SPOCK1: variants seen among roughly 807,000 people sequenced by gnomAD.
SPOCK1 encodes the protein SPARC (osteonectin), cwcv and kazal like domains proteoglycan 1.
A neutral mutation model predicts 55.3 loss-of-function variants in SPOCK1; 23 were observed. The observed-to-expected ratio is 0.42, with a 90% CI of 0.30 to 0.59. The LOEUF is 0.59. SPOCK1 is among the 20% of genes least tolerant of loss of function. The pLI is 0.22. For missense variants in SPOCK1, 499 were observed against 552.5 expected (o/e 0.90, Z 0.97); for synonymous variants, 226 against 221.0 (o/e 1.02, Z -0.20).
At chr5:137,436,093 G>A (rs1274601225) in intron 2 of SPOCK1, among the ~76,000 whole-genome samples, 2 of 152,128 alleles carry the variant, frequency 1.3e-5, no homozygotes, top group Non-Finnish European at 2.9e-5. Context: ...AGGAGGTGGA[G>A]GTTGCGGTGA....
intron 6 of SPOCK1, among the ~76,000 whole-genome samples, chr5:137,065,399 T>G (rs952299100): frequency 2.0e-5 from 3 of 152,158 alleles, no homozygotes; most frequent in Non-Finnish European, 2.9e-5. Context: ...AGTCAGAGCC[T>G]AGAAATGAGG....
intron 2 of SPOCK1, among the ~76,000 whole-genome samples, chr5:137,463,820 C>G (rs1305513425): frequency 1.3e-5 from 2 of 152,186 alleles, no homozygotes; most frequent in Non-Finnish European, 1.5e-5. Context: ...CAGTGGCGTG[C>G]ACCTGTAGTC....
At chr5:137,323,241 T>G (rs1758011966) in intron 2 of SPOCK1, among the ~76,000 whole-genome samples, 1 of 152,196 alleles carries the variant, frequency 6.6e-6, no homozygotes, top group African/African-American at 2.4e-5. Context: ...ATAGGGTAGT[T>G]TAATGGATTT....
At chr5:137,131,990 ATAT>A (rs1167571608) in intron 4 of SPOCK1, among the ~76,000 whole-genome samples, 63 of 25,422 alleles carry the variant, frequency 2.5e-3, no homozygotes, top group African/African-American at 5.6e-3. Context: ...AAAAAAAAAA[ATAT>A]ATATATATAT....
chr5:137,424,289 G>C (rs572112314), intron 2 of SPOCK1, among the ~76,000 whole-genome samples: 19 of 152,162 alleles, frequency 1.2e-4, no homozygotes, highest in Non-Finnish European at 2.6e-4. Context: ...GCTGAGGTGG[G>C]ACGATCACTT....
At chr5:137,122,123 A>G (rs1206012140) in intron 4 of SPOCK1, among the ~76,000 whole-genome samples, 1 of 151,930 alleles carries the variant, frequency 6.6e-6, no homozygotes, top group African/African-American at 2.4e-5. Flanking sequence ...TAAGAGAGTG[A>G]CAGAGCACAC....
chr5:137,113,797 C>A (rs1224150077), intron 4 of SPOCK1, among the ~76,000 whole-genome samples: 1 of 152,054 alleles, frequency 6.6e-6, no homozygotes, highest in Admixed American at 6.5e-5. Flanking sequence ...AATCCTCAGT[C>A]CCCAGGCTTG....
At chr5:137,458,577 C>T (rs1753415199) in intron 2 of SPOCK1, among the ~76,000 whole-genome samples, 1 of 152,252 alleles carries the variant, frequency 6.6e-6, no homozygotes. Flanking sequence ...AACTCATGTG[C>T]TACTAAATTT....
intron 2 of SPOCK1, among the ~76,000 whole-genome samples, chr5:137,360,080 T>C (rs1214780334): frequency 6.6e-6 from 1 of 152,208 alleles, no homozygotes; most frequent in African/African-American, 2.4e-5. Flanking sequence ...TAGTCTCTTG[T>C]TGCAGATGCA....
intron 2 of SPOCK1, among the ~76,000 whole-genome samples, chr5:137,476,109 GT>G (rs1343801053): frequency 6.6e-6 from 1 of 151,746 alleles, no homozygotes; most frequent in South Asian, 2.1e-4. Flanking sequence ...TGTCATGGGG[GT>G]TTTTTGTACA....
intron 3 of SPOCK1, among the ~76,000 whole-genome samples, chr5:137,236,465 T>C (rs947762702): frequency 2.6e-5 from 4 of 152,346 alleles, no homozygotes; most frequent in African/African-American, 9.6e-5. Flanking sequence ...GTTAGCCTGA[T>C]TTATGATTTA....
intron 2 of SPOCK1, among the ~76,000 whole-genome samples, chr5:137,278,963 C>G (rs986312896): frequency 1.3e-5 from 2 of 152,134 alleles, no homozygotes; most frequent in Non-Finnish European, 2.9e-5. Context: ...TACTTCCCCC[C>G]AGGGGGAATG....
intron 6 of SPOCK1, among the ~76,000 whole-genome samples, chr5:137,061,098 G>C (rs1349454311): frequency 6.6e-6 from 1 of 152,196 alleles, no homozygotes; most frequent in African/African-American, 2.4e-5. Flanking sequence ...TGTATCGAAA[G>C]GTTAGTATAA....
chr5:137,071,492 T>G (rs1348165797), intron 5 of SPOCK1, among the ~76,000 whole-genome samples: 1 of 152,220 alleles, frequency 6.6e-6, no homozygotes, highest in East Asian at 1.9e-4. Flanking sequence ...ATGTTTTATT[T>G]TATAAAGTAA....
intron 6 of SPOCK1, among the ~76,000 whole-genome samples, chr5:137,016,642 G>A (rs931714636): frequency 6.6e-6 from 1 of 152,212 alleles, no homozygotes; most frequent in Admixed American, 6.5e-5. Flanking sequence ...TCTAGTTCTT[G>A]CACAATTTTT....
At chr5:137,239,572 G>T (rs1284103628) in intron 3 of SPOCK1, among the ~76,000 whole-genome samples, 3 of 152,076 alleles carry the variant, frequency 2.0e-5, no homozygotes, top group Admixed American at 2.0e-4. Context: ...CCTTTAATTT[G>T]TGGGATCTGA....
At chr5:137,041,181 A>T (rs762532615) in intron 6 of SPOCK1, among the ~76,000 whole-genome samples, 1 of 152,200 alleles carries the variant, frequency 6.6e-6, no homozygotes, top group Non-Finnish European at 1.5e-5. Context: ...AGAAGAGAGG[A>T]ATGAGATATA....
rs184414061 is a variant in SPOCK1 at position 137,418,854 on chromosome 5, T to C, written c.186+79519A>G. Among the ~76,000 whole-genome samples, 546 of 152,324 alleles carry C rather than the reference T, an allele frequency of 3.6e-3. 5 individuals carry two copies. Among genetic ancestry groups the C allele is most frequent in the African/African-American group, 0.012 (513 of 41,572 alleles). On this transcript the variant is annotated intron_variant, in intron 2 of 10. Coordinates refer to ENST00000394945, the MANE Select transcript of SPOCK1 (RefSeq NM_004598.4). ...GCTTTTGTTGACATTGCTTTTGGTG[T>C]TTTAGACATGAAGTCCTGCCCATGC... is the stretch of plus-strand genomic sequence containing the variant.
intron 2 of SPOCK1, among the ~76,000 whole-genome samples, chr5:137,441,296 G>A (rs771852740): frequency 6.6e-6 from 1 of 152,146 alleles, no homozygotes; most frequent in Non-Finnish European, 1.5e-5. Flanking sequence ...AAATCACCAG[G>A]GTATGAGGCA....
Sources: allele counts gnomAD v4.1 joint callset (sites outside exome capture counted in the v4.1 genomes callset), GRCh38; gene constraint gnomAD v4.1.1; transcripts MANE v1.5; gene names NCBI Gene and HGNC (gene_info 2026-07-23, HGNC 2026-07-21).